CYTH4: variants seen among roughly 807,000 people sequenced by gnomAD.
CYTH4 encodes cytohesin 4, also known as cytohesin-4.
In CYTH4, 22 loss-of-function variants were observed where a neutral mutation model predicts 57.5. The ratio of observed to expected loss-of-function variants is 0.38; its 90% CI spans 0.27 to 0.55. CYTH4 has a LOEUF of 0.55. Ranked by LOEUF, CYTH4 falls within the 20% of genes least tolerant of loss-of-function variation. The pLI is 0.74. For missense variants in CYTH4, 420 were observed against 535.6 expected, an observed-to-expected ratio of 0.78 and a Z score of 2.13; for synonymous variants, 186 against 206.5, an observed-to-expected ratio of 0.90 and a Z score of 0.85.
At chr22:37,304,622 A>T (rs1249275302) in intron 8 of CYTH4, among the ~76,000 whole-genome samples, 1 of 152,160 alleles carries the variant, frequency 6.6e-6, no homozygotes, top group Non-Finnish European at 1.5e-5. Flanking sequence ...TGGATCTGGA[A>T]TGATTCTGGT....
chr22:37,287,678 T>C (rs1416971115), intron 1 of CYTH4, among the ~76,000 whole-genome samples: 1 of 151,916 alleles, frequency 6.6e-6, no homozygotes, highest in Non-Finnish European at 1.5e-5. Context: ...TCCCAAGCAG[T>C]TTGGGAATCC....
rs571893843 is a variant in CYTH4 at position 37,285,517 on chromosome 22, C to T, written c.19+2929C>T. Among the ~76,000 whole-genome samples the T allele has an allele frequency of 2.1e-4, 32 of 152,152 alleles. No homozygotes were observed. In the East Asian group the frequency reaches 5.8e-3, roughly 28 times the overall value. On this transcript the variant is annotated intron_variant, in intron 1 of 12. Coordinates refer to ENST00000248901, the MANE Select transcript of CYTH4 (RefSeq NM_013385.5). Reference sequence around the variant, plus strand: ...GGTCAGGAGATCGAGACCAACCTGGCCAACATGGTGAAACCCCCGTCTCTA... The same window carrying T: ...GGTCAGGAGATCGAGACCAACCTGGTCAACATGGTGAAACCCCCGTCTCTA...
In CYTH4 at chr22:37,294,655, C is replaced by G; in HGVS notation, c.103-5C>G. On this transcript the variant is annotated splice_region_variant and splice_polypyrimidine_tract_variant and intron_variant, in intron 2 of 12. Coordinates refer to ENST00000248901, the MANE Select transcript of CYTH4 (RefSeq NM_013385.5). ...TCTCCCTGTCCTGCCCCTGCCACCC[C>G]ACAGAAGCTGAAGGATGAGATTGCA... 1 of 1,613,636 alleles carries G rather than the reference C, an allele frequency of 6.2e-7. No homozygotes were observed. Among genetic ancestry groups the G allele is most frequent in the Non-Finnish European group, 8.5e-7 (1 of 1,179,738 alleles).
chr22:37,282,923 G>A (rs577065147), intron 1 of CYTH4, among the ~76,000 whole-genome samples: 55 of 152,342 alleles, frequency 3.6e-4, no homozygotes, highest in Admixed American at 1.1e-3. Flanking sequence ...AATGCATGGT[G>A]GAAAAGGCCC....
At chr22:37,289,788 C>T (rs143495688) in intron 1 of CYTH4, among the ~76,000 whole-genome samples, 292 of 152,324 alleles carry the variant, frequency 1.9e-3, no homozygotes, top group African/African-American at 6.1e-3. Context: ...TACCAGGACC[C>T]GGTGCCATTC....
In CYTH4 at chr22:37,314,183, T is replaced by C. The variant is rs2145874863; in HGVS notation, c.*672T>C. 1 of 395,574 alleles carries C rather than the reference T, an allele frequency of 2.5e-6. No homozygotes were observed. The highest frequency in any genetic ancestry group is 3.6e-5 in the East Asian group (1 of 27,938). The allele number at this position is 395,574 out of a possible 1,614,324, so 24.5% of individuals were successfully genotyped here. Reference sequence around the variant, plus strand: ...TTCTCTAGTTCTTGCAAAACTGCAGTGTTTGGACTAGAAACGTATTGGCCC... The same window carrying C: ...TTCTCTAGTTCTTGCAAAACTGCAGCGTTTGGACTAGAAACGTATTGGCCC... On this transcript the variant is annotated 3_prime_UTR_variant, in exon 13 of 13. Transcript: ENST00000248901.
At chr22:37,310,912 G>T in intron 9 of CYTH4, 76 bp from the exon 10 acceptor site, 2 of 1,520,442 alleles carry the variant, frequency 1.3e-6, no homozygotes, top group Middle Eastern at 1.7e-4. Context: ...AGCATCCGAG[G>T]ACCTGCCCTT....
chr22:37,311,779 C>A lies in CYTH4; in HGVS notation c.958-241C>A. ...GACTGGCTGGATGGCCCCGAGTAAG[C>A]TCCACTCCATTCAGAACCTCAGTGA... On this transcript the variant is annotated intron_variant, in intron 11 of 12. Coordinates refer to ENST00000248901, the MANE Select transcript of CYTH4 (RefSeq NM_013385.5). This position sits in a 1 kb window ranked among gnomAD's most constrained non-coding sequence, Gnocchi z 4.4. 1.5e-6 allele frequency: 1 copy of A among 664,590 alleles called. No homozygotes were observed. The highest frequency in any genetic ancestry group is 2.5e-6 in the Non-Finnish European group (1 of 395,328). The allele number at this position is 664,590 out of a possible 1,614,324, so 41.2% of individuals were successfully genotyped here.
chr22:37,309,643 G>A (rs1929564193), intron 9 of CYTH4, among the ~76,000 whole-genome samples: 1 of 152,224 alleles, frequency 6.6e-6, no homozygotes, highest in African/African-American at 2.4e-5. Flanking sequence ...GGGGAGGGAA[G>A]TCATAGCAGG....
chr22:37,308,733 AGTAT>A (rs1337366229), intron 8 of CYTH4, among the ~76,000 whole-genome samples: 3 of 128,128 alleles, frequency 2.3e-5, no homozygotes, highest in Non-Finnish European at 5.0e-5. Context: ...TGTATGTATG[AGTAT>A]GCATGCATGT....
At chr22:37,290,346 T>C (rs1928706173) in intron 1 of CYTH4, among the ~76,000 whole-genome samples, 1 of 152,174 alleles carries the variant, frequency 6.6e-6, no homozygotes, top group Non-Finnish European at 1.5e-5. Context: ...CCACAGGTGT[T>C]TTAATGTGGA....
chr22:37,304,374 C>T (rs1601707646), intron 8 of CYTH4: 2 of 430,212 alleles, frequency 4.6e-6, no homozygotes, highest in South Asian at 1.6e-5. Flanking sequence ...TTGCCTGTTT[C>T]CTATGGGCCA....
intron 8 of CYTH4, among the ~76,000 whole-genome samples, chr22:37,304,704 C>T (rs1481382303): frequency 1.3e-5 from 2 of 152,182 alleles, no homozygotes; most frequent in Non-Finnish European, 2.9e-5. Flanking sequence ...GAAAGTACAT[C>T]AGAGAGGAGC....
chr22:37,298,921 G>A lies in CYTH4; in HGVS notation c.354-305G>A, dbSNP rs895546681. Among the ~76,000 whole-genome samples, 1 of 152,170 alleles carries A rather than the reference G, an allele frequency of 6.6e-6. No homozygotes were observed. Among genetic ancestry groups the A allele is most frequent in the Non-Finnish European group, 1.5e-5 (1 of 68,022 alleles). ...CAAGTGGCTTCCGCGAGGTCACCAG[G>A]TGGGAAGTTACAGGAAATGAGGAAG... On this transcript the variant is annotated intron_variant, in intron 5 of 12. Transcript: ENST00000248901. The surrounding 1 kb of genome is among the most constrained non-coding windows in gnomAD (Gnocchi z 4.1).
intron 12 of CYTH4, 23 bp downstream of exon 12, chr22:37,312,197 G>A (rs1033400893): frequency 1.2e-6 from 2 of 1,606,958 alleles, no homozygotes; most frequent in Middle Eastern, 1.7e-4. Context: ...CAGGTCTGGG[G>A]ACGGCTTCCC....
At chr22:37,292,746 T>C in intron 2 of CYTH4, 43 bp downstream of exon 2, 1 of 1,596,822 alleles carries the variant, frequency 6.3e-7, no homozygotes, top group Non-Finnish European at 8.6e-7. Context: ...ATGCCCACAC[T>C]CCTGCACGCT....
At chr22:37,288,734 C>T (rs1331421712) in intron 1 of CYTH4, among the ~76,000 whole-genome samples, 1 of 152,232 alleles carries the variant, frequency 6.6e-6, no homozygotes, top group African/African-American at 2.4e-5. Context: ...GCATATGGTG[C>T]CTCCTGGAGG....
In CYTH4 at chr22:37,311,483, C is replaced by G. The variant is rs767472135; in HGVS notation, c.913C>G (p.Leu305Val). 1.2e-6 allele frequency: 2 copies of G among 1,614,086 alleles called. No individual in the cohort carries two copies. Among genetic ancestry groups the G allele is most frequent in the Non-Finnish European group, 8.5e-7 (1 of 1,180,020 alleles). The change falls in exon 11 of 13, where the codon CTT becomes GTT. Residue 305 changes from leucine (L) to valine (V), a missense_variant. Physicochemically the swap from Leu to Val is conservative, Grantham distance 32. Coordinates refer to ENST00000248901, the MANE Select transcript of CYTH4 (RefSeq NM_013385.5). This position sits in a 1 kb window ranked among gnomAD's most constrained non-coding sequence, Gnocchi z 4.4. ...CAAGGAGCCACGGGGAATTATACCTCTTGAGAACCTCTCGGTGCAGAAGGT... is the reference window on the plus strand; with the variant it reads ...CAAGGAGCCACGGGGAATTATACCTGTTGAGAACCTCTCGGTGCAGAAGGT... ...TDKEPRGIIP[L>V]ENLSVQKVDD...
rs141741741 is a variant in CYTH4, at chr22:37,297,612, G to A, written c.283G>A (p.Asp95Asn). 2.4e-4 allele frequency: 380 copies of A among 1,613,892 alleles called. No individual in the cohort carries two copies. Among genetic ancestry groups the A allele is most frequent in the Non-Finnish European group, 3.1e-4 (370 of 1,179,936 alleles). ...CAAGCTGCTGACCCCTGACGTCCAG[G>A]ACATTGCACGGTTCCTGTATAAAGG... is the stretch of plus-strand genomic sequence containing the variant. The part of the protein sequence containing the change: ...EHKLLTPDVQ[D>N]IARFLYKGEG... The change falls in exon 5 of 13, where the codon GAC (aspartate) becomes AAC (asparagine). Residue 95 changes from aspartate to asparagine, a missense_variant. By Grantham distance (23) the Asp-to-Asn change is conservative (BLOSUM62 1). Transcript: ENST00000248901.
Sources: allele counts gnomAD v4.1 joint callset (sites outside exome capture counted in the v4.1 genomes callset), GRCh38; gene constraint gnomAD v4.1.1; non-coding constraint Gnocchi (gnomAD v3.1); transcripts MANE v1.5; gene names NCBI Gene and HGNC (gene_info 2026-07-23, HGNC 2026-07-21).